Variants in SRGAP3 observed in about 807,000 individuals in gnomAD.
The protein encoded by SRGAP3 is SLIT-ROBO Rho GTPase-activating protein 3.
In SRGAP3, 39 loss-of-function variants were observed where a neutral mutation model predicts 121.1. That is an observed-to-expected ratio of 0.32 (90% CI 0.25 to 0.42). The LOEUF (loss-of-function observed/expected upper bound fraction) is 0.42, where lower values mean the gene tolerates loss of function less well. Among genes scored for constraint, SRGAP3 ranks in the 10% least tolerant of loss-of-function variants. The pLI, the probability that SRGAP3 is intolerant of heterozygous loss-of-function variation, is 1.00. For missense variants in SRGAP3, 1,213 were observed against 1,470.6 expected, an observed-to-expected ratio of 0.82 and a Z score of 2.86; for synonymous variants, 601 against 570.0, an observed-to-expected ratio of 1.05 and a Z score of -0.77.
chr3:9,257,009 C>T (rs1954145214), intron 3 of SRGAP3: 1 of 396,512 alleles, frequency 2.5e-6, no homozygotes, highest in East Asian at 3.6e-5. Context: ...CAGTAAGTGC[C>T]ACATAAGCAT....
intron 1 of SRGAP3, among the ~76,000 whole-genome samples, chr3:9,208,848 A>G (rs979404136): frequency 6.6e-6 from 1 of 152,230 alleles, no homozygotes; most frequent in Admixed American, 6.5e-5. Flanking sequence ...TGGGGAAAGA[A>G]CTGCCTATCT....
At position 9,173,045 on chromosome 3, in the gene SRGAP3, C is replaced by T. The variant is rs868280421; in HGVS notation, c.68-48128G>A. Among the ~76,000 whole-genome samples the T allele has an allele frequency of 1.4e-4, 22 of 152,320 alleles. No individual in the cohort carries two copies. In the Middle Eastern group the frequency reaches 0.02, roughly 141 times the overall value. On this transcript the variant is annotated intron_variant, in intron 1 of 21. Transcript: ENST00000383836. The stretch of plus-strand genomic sequence containing the variant: ...GGGCATGGCTCGTGGCCACAAGCCC[C>T]TAAGCACTGTGCACCAGGGCCAGCC...
At chr3:9,059,837 G>T in intron 6 of SRGAP3, 1 of 305,684 alleles carries the variant, frequency 3.3e-6, no homozygotes, top group South Asian at 3.2e-5. Context: ...CCCTAGGGGC[G>T]CCAAACATTT....
intron 3 of SRGAP3, among the ~76,000 whole-genome samples, chr3:9,309,993 G>A (rs924173119): frequency 1.3e-5 from 2 of 152,150 alleles, no homozygotes; most frequent in African/African-American, 4.8e-5. Flanking sequence ...ATCCTAGAGA[G>A]GACCCTGACA....
At chr3:9,012,500 T>C (rs112747299) in intron 17 of SRGAP3, among the ~76,000 whole-genome samples, 2 of 152,200 alleles carry the variant, frequency 1.3e-5, no homozygotes, top group Non-Finnish European at 2.9e-5. Flanking sequence ...TTGAAAAGGT[T>C]CTAAAATCTT....
intron 3 of SRGAP3, among the ~76,000 whole-genome samples, chr3:9,290,259 A>G (rs139956346): frequency 2.7e-3 from 406 of 152,238 alleles, no homozygotes; most frequent in African/African-American, 7.0e-3. Flanking sequence ...ATGGTTTTAA[A>G]TGTTATCCAG....
intron 3 of SRGAP3, among the ~76,000 whole-genome samples, 189 bp from the exon 4 acceptor site, chr3:9,080,276 A>T (rs1183019158): frequency 6.6e-6 from 1 of 152,202 alleles, no homozygotes; most frequent in Non-Finnish European, 1.5e-5. Flanking sequence ...ACCCACAGAG[A>T]GAGGTTCCTT....
chr3:9,121,958 T>C (rs1949021387), intron 2 of SRGAP3, among the ~76,000 whole-genome samples: 1 of 152,180 alleles, frequency 6.6e-6, no homozygotes, highest in Non-Finnish European at 1.5e-5. Flanking sequence ...ATGGCTACTC[T>C]CAAGCTGCAC....
intron 1 of SRGAP3, among the ~76,000 whole-genome samples, chr3:9,351,095 T>C (rs964348042): frequency 1.3e-5 from 2 of 151,930 alleles, no homozygotes; most frequent in Non-Finnish European, 2.9e-5. Context: ...GCAAGAGCAG[T>C]CCAAGAGAGG....
chr3:9,352,725 T>G (rs972076585), intron 1 of SRGAP3, among the ~76,000 whole-genome samples: 1 of 152,204 alleles, frequency 6.6e-6, no homozygotes, highest in African/African-American at 2.4e-5. Context: ...CACCTTGGTG[T>G]GCGTTTGAAT....
intron 3 of SRGAP3, chr3:9,293,016 AAAAGAAAG>A (rs200371837): frequency 2.6e-5 from 4 of 151,248 alleles, no homozygotes; most frequent in Non-Finnish European, 4.4e-5. Context: ...GCTGAAAAAA[AAAAGAAAG>A]AAAGAAAGAA....
chr3:9,010,031 C>G (rs1040891250), intron 18 of SRGAP3, among the ~76,000 whole-genome samples: 8 of 152,178 alleles, frequency 5.3e-5, no homozygotes, highest in Non-Finnish European at 8.8e-5. Flanking sequence ...GGATTTGTAC[C>G]TGGGCCAGGC....
At chr3:9,346,999 G>A (rs901877489) in intron 1 of SRGAP3, among the ~76,000 whole-genome samples, 8 of 151,902 alleles carry the variant, frequency 5.3e-5, no homozygotes, top group African/African-American at 1.9e-4. Context: ...CAGGTGATCC[G>A]CCCAGGCTAG....
chr3:8,998,240 G>T (rs1199789004), intron 18 of SRGAP3, among the ~76,000 whole-genome samples: 3 of 152,152 alleles, frequency 2.0e-5, no homozygotes, highest in African/African-American at 7.2e-5. Flanking sequence ...CCTTTACAGG[G>T]CCTTTGTACT....
At chr3:9,090,973 C>A (rs760887824) in intron 3 of SRGAP3, among the ~76,000 whole-genome samples, 2 of 152,082 alleles carry the variant, frequency 1.3e-5, no homozygotes, top group Non-Finnish European at 1.5e-5. Flanking sequence ...GTGTCTATCT[C>A]CCTCAAAATA....
At chr3:9,167,783 T>C (rs756836429) in intron 1 of SRGAP3, among the ~76,000 whole-genome samples, 4 of 152,230 alleles carry the variant, frequency 2.6e-5, no homozygotes, top group Non-Finnish European at 4.4e-5. Flanking sequence ...CTATTTTCTC[T>C]ACTTCTACAC....
chr3:9,311,583 T>C (rs1359086398), intron 3 of SRGAP3, among the ~76,000 whole-genome samples: 3 of 152,246 alleles, frequency 2.0e-5, no homozygotes, highest in Admixed American at 6.5e-5. Flanking sequence ...AATACAACTG[T>C]ATTTATGGAC....
At chr3:9,342,159 T>C (rs1955798210) in intron 1 of SRGAP3, among the ~76,000 whole-genome samples, 1 of 152,132 alleles carries the variant, frequency 6.6e-6, no homozygotes. Flanking sequence ...GAGACGAGTC[T>C]GGCCAACATG....
In SRGAP3 at chr3:9,359,545, A is replaced by C. The variant is rs1404946608; in HGVS notation, n.214+3295T>G. On this transcript the variant is annotated intron_variant and non_coding_transcript_variant, in intron 1 of 3. Transcript: ENST00000490889. ...AAAAATACATGCTCTAAACCCAGCA[A>C]GGTCTGTCTATTCAGATGCCTCTTG... 3.3e-5 allele frequency among the ~76,000 whole-genome samples: 5 copies of C among 152,216 alleles called. No individual in the cohort carries two copies. In the East Asian group the frequency reaches 9.6e-4, roughly 29 times the overall value.
Sources: gnomAD v4.1 joint callset for allele counts (sites outside exome capture counted in the v4.1 genomes callset) on GRCh38, gnomAD v4.1.1 for gene constraint, MANE v1.5 for transcripts, NCBI Gene and HGNC (gene_info 2026-07-23, HGNC 2026-07-21) for gene names.